MED16: variants seen among roughly 807,000 people sequenced by gnomAD.
The protein encoded by MED16 is mediator complex subunit 16, also known as mediator of RNA polymerase II transcription subunit 16.
A neutral mutation model predicts 84.4 loss-of-function variants in MED16; 81 were observed. The ratio of observed to expected loss-of-function variants is 0.96; its 90% CI spans 0.80 to 1.15. The LOEUF (loss-of-function observed/expected upper bound fraction) is 1.15. Ranked by LOEUF, MED16 falls within the 50% of genes most tolerant of loss-of-function variation. MED16 has a pLI of 0.00. For missense variants in MED16, 1,585 were observed against 1,245.9 expected (o/e 1.27, Z -4.10); for synonymous variants, 897 against 552.2 (o/e 1.62, Z -8.76).
chr19:874,735 T>C lies in MED16; in HGVS notation c.1771+509A>G, dbSNP rs116716294. Among the ~76,000 whole-genome samples the C allele has an allele frequency of 5.8e-3, 874 of 151,736 alleles. 11 individuals are homozygous for C. The highest frequency in any genetic ancestry group is 0.02 in the African/African-American group (833 of 41,324). On this transcript the variant is annotated intron_variant, in intron 10 of 15. Transcript: ENST00000325464. ...GCTACAAAAAATTAAAAACCGGGTGTGGTGGCACGTGTCTGTAATCCCAGC... is the reference window on the plus strand; with the variant it reads ...GCTACAAAAAATTAAAAACCGGGTGCGGTGGCACGTGTCTGTAATCCCAGC...
In MED16 at chr19:877,007, C is replaced by T. The variant is rs754890014; in HGVS notation, c.1527G>A (p.Glu509=). ...MVQSLVEKLH[E]EYTRQTAALQ... Reference sequence around the variant, plus strand: ...GGGCAGCGGTCTGGCGCGTGTACTCCTCGTGCAGCTTCTCCACCAGGCTCT... The same window carrying T: ...GGGCAGCGGTCTGGCGCGTGTACTCTTCGTGCAGCTTCTCCACCAGGCTCT... Residue 509 remains glutamate, a synonymous_variant, in exon 9 of 16, where the codon GAG becomes GAA. Transcript: ENST00000325464. 2 of 1,612,306 alleles carry T rather than the reference C, an allele frequency of 1.2e-6. No individual in the cohort carries two copies. The highest frequency in any genetic ancestry group is 1.7e-6 in the Non-Finnish European group (2 of 1,179,764).
intron 8 of MED16, 39 bp from the exon 9 acceptor site, chr19:877,219 G>T: frequency 3.2e-6 from 5 of 1,572,698 alleles, no homozygotes; most frequent in Non-Finnish European, 4.3e-6. Context: ...CGGTGAGATG[G>T]GGCTGCGCCC....
intron 14 of MED16, 130 bp from the exon 15 acceptor site, chr19:868,629 T>A: frequency 1.3e-5 from 17 of 1,279,396 alleles, no homozygotes; most frequent in Non-Finnish European, 1.8e-5. Flanking sequence ...CGTCCCCACC[T>A]GCCACAGGGC....
chr19:884,993 A>T lies in MED16; in HGVS notation c.895T>A (p.Ser299Thr). The stretch of plus-strand genomic sequence containing the variant: ...TCCACGATGCTGCTGGTCTGGCTGG[A>T]CGCGCACAAAAGCACCTGCGGGGGA... The part of the protein sequence containing the change: ...DMSEQVLLCA[S>T]SQTSSIVECW... The change falls in exon 6 of 16, where the codon TCC (serine) becomes ACC (threonine). Residue 299 changes from serine (S) to threonine (T), a missense_variant. Transcript: ENST00000325464. 5 of 1,603,394 alleles carry T rather than the reference A, an allele frequency of 3.1e-6. No homozygotes were observed. Among genetic ancestry groups the T allele is most frequent in the Non-Finnish European group, 3.4e-6 (4 of 1,177,610 alleles).
At chr19:875,527 G>C in intron 9 of MED16, 73 bp from the exon 10 acceptor site, 2 of 1,263,840 alleles carry the variant, frequency 1.6e-6, no homozygotes, top group Non-Finnish European at 2.2e-6. Flanking sequence ...CTGAGGAGAA[G>C]AGCAGTTCGA....
rs543186060 is a variant in MED16, at chr19:883,530, G to T, written c.985+1373C>A. Among the ~76,000 whole-genome samples, 16 of 152,234 alleles carry T rather than the reference G, an allele frequency of 1.1e-4. 1 individual carries two copies. In the East Asian group the frequency reaches 2.7e-3, roughly 26 times the overall value. ...ATGGGGGAGAGATGGGTGCGGTGGG[G>T]ACTGTCCCAGTGACCCCCAGCTGCC... On this transcript the variant is annotated intron_variant, in intron 6 of 15. Transcript: ENST00000325464.
chr19:872,199 C>T (rs1203145420), intron 11 of MED16, 81 bp from the exon 12 acceptor site: 6 of 1,265,980 alleles, frequency 4.7e-6, no homozygotes, highest in African/African-American at 3.0e-5. Context: ...GTCGGTGGAA[C>T]CCCGACCGGG....
intron 8 of MED16, among the ~76,000 whole-genome samples, chr19:878,106 G>A (rs1361244737): frequency 8.9e-6 from 1 of 111,948 alleles, no homozygotes; most frequent in Admixed American, 1.1e-4. Context: ...AGCGCCACGT[G>A]CCCCAGCAAC....
At chr19:891,782 C>T (rs1474710512) in intron 1 of MED16, among the ~76,000 whole-genome samples, 1 of 70,476 alleles carries the variant, frequency 1.4e-5, no homozygotes, top group Admixed American at 1.4e-4. Flanking sequence ...CTGAGTGTGA[C>T]GGGGAACACC....
intron 4 of MED16, among the ~76,000 whole-genome samples, chr19:888,003 G>A (rs925845615): frequency 8.6e-5 from 13 of 151,840 alleles, no homozygotes; most frequent in African/African-American, 2.4e-4. Context: ...AGGAGTTCGA[G>A]ACCACCCTGA....
chr19:881,698 G>C lies in MED16; in HGVS notation c.1002C>G (p.Pro334=), dbSNP rs1277634821. The change falls in exon 7 of 16, where the codon CCC becomes CCG. Residue 334 remains proline, a synonymous_variant. Transcript: ENST00000325464. The part of the protein sequence containing the change: ...QISPVVGDKQ[P]TILKWRILSA... ...ATAGGATCCGCCATTTGAGAATTGTGGGCTGTTTGTCGCCAACTGAAAAAT... is the reference window on the plus strand; with the variant it reads ...ATAGGATCCGCCATTTGAGAATTGTCGGCTGTTTGTCGCCAACTGAAAAAT... The C allele has an allele frequency of 1.9e-6, 3 of 1,610,426 alleles. No individual in the cohort carries two copies. Among genetic ancestry groups the C allele is most frequent in the Non-Finnish European group, 2.5e-6 (3 of 1,178,142 alleles).
At position 886,193 on chromosome 19, in the gene MED16, G is replaced by T. The variant is rs747651578; in HGVS notation, c.456C>A (p.Ala152=). 3.6e-5 allele frequency: 55 copies of T among 1,510,178 alleles called. No homozygotes were observed. Among genetic ancestry groups the T allele is most frequent in the Non-Finnish European group, 8.8e-7 (1 of 1,132,926 alleles). 93.5% of individuals were successfully genotyped at this position (1,510,178 alleles called of 1,614,324 possible). ...GGGAGAACTTCTCCCCGAAGCTGGA[G>T]GCGCCCGACTGTGGAGAAGGGAGGG... The part of the protein sequence containing the change: ...KLALHVEKSG[A]SSFGEKFSRV... Residue 152 remains alanine (A), a synonymous_variant, in exon 5 of 16, where the codon GCC becomes GCA. Transcript: ENST00000325464.
At chr19:882,804 G>A (rs982899671) in intron 6 of MED16, among the ~76,000 whole-genome samples, 5 of 152,236 alleles carry the variant, frequency 3.3e-5, no homozygotes, top group Admixed American at 3.3e-4. Flanking sequence ...CAGCTGCTCT[G>A]TGCCACCCGC....
chr19:872,283 C>T (rs974354986), intron 11 of MED16, among the ~76,000 whole-genome samples, 165 bp from the exon 12 acceptor site: 57 of 151,982 alleles, frequency 3.8e-4, no homozygotes, highest in Admixed American at 1.7e-3. Context: ...GGGTGGATGC[C>T]GGGGACGCTG....
intron 12 of MED16, chr19:871,465 G>A (rs1417594671): frequency 9.8e-6 from 14 of 1,431,160 alleles, no homozygotes; most frequent in South Asian, 1.3e-5. Flanking sequence ...CCCCGTCTCT[G>A]GCCTGTCATG....
At chr19:888,291 G>A (rs995523183) in intron 4 of MED16, among the ~76,000 whole-genome samples, 7 of 152,040 alleles carry the variant, frequency 4.6e-5, no homozygotes, top group African/African-American at 1.7e-4. Context: ...GGAGGCTGAG[G>A]CAGACGGATC....
chr19:879,363 GCCCACCAGCCCCAGCCGCACATGC>G (rs2036355522), intron 8 of MED16, among the ~76,000 whole-genome samples: 2 of 129,576 alleles, frequency 1.5e-5, no homozygotes, highest in Admixed American at 7.8e-5. Flanking sequence ...GGTTGTCAAT[GCCCACCAGCCCCAGCCGCACATGC>G]CCCAGCAGCT....
intron 9 of MED16, 41 bp from the exon 10 acceptor site, chr19:875,495 G>A (rs745890076): frequency 6.6e-7 from 1 of 1,508,882 alleles, no homozygotes; most frequent in Non-Finnish European, 9.0e-7. Flanking sequence ...GGCCGGAGCA[G>A]AGGCGCCCGC....
rs747504320 is a variant in MED16, at chr19:877,163, G to A, written c.1371C>T (p.Leu457=). 2.2e-5 allele frequency: 35 copies of A among 1,610,570 alleles called. No individual in the cohort carries two copies. The Admixed American group carries it at 5.4e-4, about 25-fold the overall frequency. The part of the protein sequence containing the change: ...DSHGKLSVLR[L]SPSMGHPLEV... Reference sequence around the variant, plus strand: ...CCAGCGGGTGGCCCATGGAAGGTGAGAGGCGGAGCACGCTCAGCTGCCAGA... The same window carrying A: ...CCAGCGGGTGGCCCATGGAAGGTGAAAGGCGGAGCACGCTCAGCTGCCAGA... Residue 457 remains leucine, a synonymous_variant, in exon 9 of 16, where the codon CTC becomes CTT. Transcript: ENST00000325464.
Sources: allele counts gnomAD v4.1 joint callset (sites outside exome capture counted in the v4.1 genomes callset), GRCh38; gene constraint gnomAD v4.1.1; transcripts MANE v1.5; gene names NCBI Gene and HGNC (gene_info 2026-07-23, HGNC 2026-07-21).